Variants in PTPRR observed in about 807,000 individuals in gnomAD.
The protein encoded by PTPRR is protein tyrosine phosphatase receptor type R.
In PTPRR, 38 loss-of-function variants were observed where a neutral mutation model predicts 77.2. The ratio of observed to expected loss-of-function variants is 0.49; its 90% confidence interval spans 0.38 to 0.65. The LOEUF is 0.65. Among genes scored for constraint, PTPRR ranks in the 30% least tolerant of loss-of-function variants. The pLI is 0.00. For missense variants in PTPRR, 744 were observed against 799.2 expected (o/e 0.93, Z 0.83); for synonymous variants, 299 against 283.1 (o/e 1.06, Z -0.57).
intron 2 of PTPRR, among the ~76,000 whole-genome samples, chr12:70,888,156 A>G (rs1893273736): frequency 6.6e-6 from 1 of 152,146 alleles, no homozygotes. Flanking sequence ...GAGAAAGAAA[A>G]GCAAAAAATC....
chr12:70,761,701 A>G (rs1025379874), intron 3 of PTPRR, 75 bp from the exon 4 acceptor site: 3 of 1,187,944 alleles, frequency 2.5e-6, no homozygotes, highest in Non-Finnish European at 3.4e-6. Flanking sequence ...CCTGTCCTTT[A>G]GAAACATTAA....
At chr12:70,771,104 T>C (rs1456789686) in intron 2 of PTPRR, among the ~76,000 whole-genome samples, 2 of 151,188 alleles carry the variant, frequency 1.3e-5, no homozygotes, top group Admixed American at 6.6e-5. Flanking sequence ...TGTATACATA[T>C]GTAACTAACC....
chr12:70,812,428 G>A lies in PTPRR; in HGVS notation c.358-47650C>T, dbSNP rs183014263. ...TTACTATCCCAGGTGGACTACTCGT[G>A]AAAGTGCTTTAAAGGAGGGAGAGAG... On this transcript the variant is annotated intron_variant, in intron 2 of 13. Transcript: ENST00000283228. Among the ~76,000 whole-genome samples the A allele has an allele frequency of 3.9e-5, 6 of 152,320 alleles. No homozygotes were observed. In the East Asian group the frequency reaches 1.2e-3, roughly 29 times the overall value.
chr12:70,903,606 G>A (rs1218551193), intron 1 of PTPRR, among the ~76,000 whole-genome samples: 1 of 151,682 alleles, frequency 6.6e-6, no homozygotes, highest in Non-Finnish European at 1.5e-5. Flanking sequence ...AGATCTAAAT[G>A]TGTAATGTAC....
At chr12:70,751,979 T>C (rs1398799826) in intron 5 of PTPRR, among the ~76,000 whole-genome samples, 1 of 152,230 alleles carries the variant, frequency 6.6e-6, no homozygotes, top group Non-Finnish European at 1.5e-5. Context: ...CCCTAAAATC[T>C]GCTGTCCCCT....
At chr12:70,900,668 C>G (rs1893517856) in intron 1 of PTPRR, among the ~76,000 whole-genome samples, 1 of 151,380 alleles carries the variant, frequency 6.6e-6, no homozygotes, top group African/African-American at 2.4e-5. Context: ...GGAACTCAAA[C>G]AATGTAATAC....
rs530830516 is a variant in PTPRR, at chr12:70,782,676, C to T, written c.358-17898G>A. 2.4e-4 allele frequency among the ~76,000 whole-genome samples: 35 copies of T among 146,306 alleles called. No individual in the cohort carries two copies. The East Asian group carries it at 4.5e-3, about 19-fold the overall frequency. On this transcript the variant is annotated intron_variant, in intron 2 of 13. Coordinates refer to ENST00000283228, the MANE Select transcript of PTPRR (RefSeq NM_002849.4). ...ACACAGGAAGGGAAACATCACACAC[C>T]GGGGCCGTTGTGGGGTGGGGGGAGT...
rs537966339 is a variant in PTPRR at position 70,812,468 on chromosome 12, C to T, written c.358-47690G>A. On this transcript the variant is annotated intron_variant, in intron 2 of 13. Transcript: ENST00000283228. ...GAGGGAGAGAGAAAAATCCACATGCCCACTCCATTTAATTCCTCAAGGAAT... is the reference window on the plus strand; with the variant it reads ...GAGGGAGAGAGAAAAATCCACATGCTCACTCCATTTAATTCCTCAAGGAAT... Among the ~76,000 whole-genome samples the T allele has an allele frequency of 1.4e-4, 22 of 152,232 alleles. No individual in the cohort carries two copies. The South Asian group carries it at 4.4e-3, about 30-fold the overall frequency.
intron 2 of PTPRR, among the ~76,000 whole-genome samples, chr12:70,873,842 G>C (rs1239268658): frequency 6.6e-6 from 1 of 152,116 alleles, no homozygotes; most frequent in Non-Finnish European, 1.5e-5. Context: ...CTAAAAATCA[G>C]AGTGTTTGTG....
intron 6 of PTPRR, among the ~76,000 whole-genome samples, chr12:70,712,336 A>T (rs912102329): frequency 1.1e-4 from 16 of 151,976 alleles, no homozygotes; most frequent in African/African-American, 3.9e-4. Flanking sequence ...ACATGGATGA[A>T]TGCCTAAATA....
chr12:70,837,170 G>C (rs1342950607), intron 2 of PTPRR, among the ~76,000 whole-genome samples: 1 of 152,008 alleles, frequency 6.6e-6, no homozygotes, highest in African/African-American at 2.4e-5. Flanking sequence ...AGAAACCCAA[G>C]ATACTGTACA....
At chr12:70,665,104 A>G (rs1040202921) in intron 10 of PTPRR, among the ~76,000 whole-genome samples, 1 of 152,200 alleles carries the variant, frequency 6.6e-6, no homozygotes, top group Non-Finnish European at 1.5e-5. Flanking sequence ...TAGGTGATTC[A>G]AAATAGCATG....
At chr12:70,781,584 C>T (rs998430504) in intron 2 of PTPRR, among the ~76,000 whole-genome samples, 2 of 152,106 alleles carry the variant, frequency 1.3e-5, no homozygotes, top group Non-Finnish European at 2.9e-5. Context: ...CTTTTTTATG[C>T]CAAAGCGTTA....
chr12:70,718,972 G>T (rs377012829), intron 6 of PTPRR, among the ~76,000 whole-genome samples: 1 of 152,076 alleles, frequency 6.6e-6, no homozygotes, highest in Non-Finnish European at 1.5e-5. Flanking sequence ...GAGGACATTC[G>T]GAGAAGTGTG....
At chr12:70,696,811 C>G (rs1413184340) in intron 8 of PTPRR, among the ~76,000 whole-genome samples, 1 of 152,090 alleles carries the variant, frequency 6.6e-6, no homozygotes, top group Non-Finnish European at 1.5e-5. Flanking sequence ...TATTTTCTGT[C>G]TGTATAGATT....
chr12:70,892,836 T>C lies in PTPRR; in HGVS notation c.200A>G (p.His67Arg), dbSNP rs962806817. ...APQKIYRHSYHSSSEAQVSKR... is the reference protein window; with the variant it reads ...APQKIYRHSYRSSSEAQVSKR... Reference sequence around the variant, plus strand: ...GCTTACTTGAGCTTCGGAAGAGGAATGGTAGCTATGTCTGTAGATTTTTTG... The same window carrying C: ...GCTTACTTGAGCTTCGGAAGAGGAACGGTAGCTATGTCTGTAGATTTTTTG... Residue 67 changes from histidine to arginine, a missense_variant, in exon 2 of 14, where the codon CAT (histidine) becomes CGT (arginine). Physicochemically the swap from His to Arg is conservative, Grantham distance 29. This residue lies in a region of PTPRR where 570 missense variants were observed against 573.2 expected (regional missense o/e 0.99). Coordinates refer to ENST00000283228, the MANE Select transcript of PTPRR (RefSeq NM_002849.4). 6.2e-7 allele frequency: 1 copy of C among 1,613,580 alleles called. No homozygotes were observed. Among genetic ancestry groups the C allele is most frequent in the Non-Finnish European group, 8.5e-7 (1 of 1,179,612 alleles).
Position 70,736,870 on chromosome 12 carries a change from T to C in PTPRR, c.1007+8948A>G, listed in dbSNP as rs192793552. 2.7e-3 allele frequency among the ~76,000 whole-genome samples: 406 copies of C among 152,304 alleles called. 2 individuals are homozygous for C. Among genetic ancestry groups the C allele is most frequent in the African/African-American group, 8.7e-3 (360 of 41,566 alleles). ...AGGAGGCCGTGTGGTACGTGTATAA[T>C]GGCCTGGGAAAATCAAAGGAACCTG... On this transcript the variant is annotated intron_variant, in intron 6 of 13. Coordinates refer to ENST00000283228, the MANE Select transcript of PTPRR (RefSeq NM_002849.4).
At chr12:70,754,665 C>T (rs1202511078) in intron 4 of PTPRR, 3 of 1,597,296 alleles carry the variant, frequency 1.9e-6, no homozygotes, top group Non-Finnish European at 1.7e-6. Context: ...TTTAAGTCCC[C>T]TCCCACAACA....
intron 2 of PTPRR, among the ~76,000 whole-genome samples, chr12:70,825,768 T>G (rs1466821485): frequency 6.6e-6 from 1 of 152,202 alleles, no homozygotes; most frequent in Non-Finnish European, 1.5e-5. Context: ...TTTACCATCT[T>G]ATATCGCCCT....
Sources: allele counts gnomAD v4.1 joint callset (sites outside exome capture counted in the v4.1 genomes callset), GRCh38; gene constraint gnomAD v4.1.1; regional missense constraint gnomAD v4.1.1; transcripts MANE v1.5; gene names NCBI Gene and HGNC (gene_info 2026-07-23, HGNC 2026-07-21).